CADM1: variants seen among roughly 807,000 people sequenced by gnomAD.
CADM1 encodes TSLC-1.
In CADM1, 15 loss-of-function variants were observed where a neutral mutation model predicts 53.1. That is an observed-to-expected ratio of 0.28 (90% confidence interval 0.19 to 0.44). The LOEUF is 0.44. Ranked by LOEUF, CADM1 falls within the 20% of genes least tolerant of loss-of-function variation. The pLI is 1.00. For missense variants in CADM1, 434 were observed against 611.3 expected, an observed-to-expected ratio of 0.71 and a Z score of 3.06; for synonymous variants, 281 against 243.0, an observed-to-expected ratio of 1.16 and a Z score of -1.45.
At chr11:115,348,257 C>G (rs1945635907) in intron 1 of CADM1, among the ~76,000 whole-genome samples, 1 of 152,130 alleles carries the variant, frequency 6.6e-6, no homozygotes, top group South Asian at 2.1e-4. Context: ...GAAAAGATTA[C>G]TATAAGAAGT....
At chr11:115,182,781 G>A (rs1277390002) in intron 10 of CADM1, among the ~76,000 whole-genome samples, 1 of 152,212 alleles carries the variant, frequency 6.6e-6, no homozygotes. Flanking sequence ...AACCCTCCCT[G>A]CCTGTCGTGT....
chr11:115,325,331 C>A (rs1234933958), intron 1 of CADM1, among the ~76,000 whole-genome samples: 5 of 152,108 alleles, frequency 3.3e-5, no homozygotes, highest in African/African-American at 1.2e-4. Context: ...GCTTGGACAT[C>A]AGTCATCAAT....
intron 6 of CADM1, among the ~76,000 whole-genome samples, chr11:115,217,365 T>C (rs1470226700): frequency 6.6e-6 from 1 of 152,192 alleles, no homozygotes; most frequent in Non-Finnish European, 1.5e-5. Flanking sequence ...TTAAGAAAAG[T>C]TCCTGAGCTT....
At chr11:115,240,195 G>A (rs570263060) in intron 2 of CADM1, 79 bp downstream of exon 2, 5 of 1,330,542 alleles carry the variant, frequency 3.8e-6, no homozygotes, top group Admixed American at 3.5e-5. Flanking sequence ...TTTAAAAAAG[G>A]TGGCCTTAGC....
intron 1 of CADM1, among the ~76,000 whole-genome samples, chr11:115,422,753 T>A (rs189357794): frequency 6.6e-6 from 1 of 152,200 alleles, no homozygotes; most frequent in Admixed American, 6.5e-5. Flanking sequence ...TAACATTAAA[T>A]ATTTAATGTG....
intron 1 of CADM1, among the ~76,000 whole-genome samples, chr11:115,360,222 T>C (rs1945991191): frequency 6.6e-6 from 1 of 152,254 alleles, no homozygotes; most frequent in Non-Finnish European, 1.5e-5. Flanking sequence ...TAAGTATAAC[T>C]ATAATACAAC....
intron 1 of CADM1, among the ~76,000 whole-genome samples, chr11:115,385,107 A>C (rs1465061048): frequency 3.3e-5 from 5 of 152,038 alleles, no homozygotes; most frequent in African/African-American, 1.2e-4. Flanking sequence ...TACAGAAAAC[A>C]TACATTCATA....
chr11:115,255,116 A>G (rs1003978552), intron 1 of CADM1, among the ~76,000 whole-genome samples: 2 of 152,160 alleles, frequency 1.3e-5, no homozygotes, highest in African/African-American at 4.8e-5. Flanking sequence ...AATACTTCAG[A>G]GGTCAGGCGC....
chr11:115,503,546 G>C (rs988494600), intron 1 of CADM1, among the ~76,000 whole-genome samples: 1 of 152,066 alleles, frequency 6.6e-6, no homozygotes, highest in Admixed American at 6.5e-5. Flanking sequence ...TCCCGCAGAG[G>C]CGGCGACAGC....
chr11:115,348,380 T>C (rs1275947708), intron 1 of CADM1, among the ~76,000 whole-genome samples: 1 of 152,234 alleles, frequency 6.6e-6, no homozygotes, highest in African/African-American at 2.4e-5. Context: ...AAATTATCAA[T>C]TTCTGTAAAT....
chr11:115,417,996 A>T (rs987170529), intron 1 of CADM1, among the ~76,000 whole-genome samples: 1 of 152,198 alleles, frequency 6.6e-6, no homozygotes, highest in African/African-American at 2.4e-5. Flanking sequence ...CTGACTATAT[A>T]ACATCTAATT....
chr11:115,468,553 G>A (rs61251053), intron 1 of CADM1, among the ~76,000 whole-genome samples: 3,626 of 152,262 alleles, frequency 0.024, 37 homozygotes, highest in Non-Finnish European at 0.029. Context: ...GTGTGTCTGT[G>A]TGAGTGCTGT....
intron 1 of CADM1, among the ~76,000 whole-genome samples, chr11:115,300,061 A>G (rs1944178993): frequency 6.6e-6 from 1 of 152,148 alleles, no homozygotes; most frequent in Admixed American, 6.5e-5. Context: ...ATGTATTATA[A>G]AAAGCAAATG....
rs187650030 is a variant in CADM1 at position 115,340,729 on chromosome 11, T to C, written c.125-100309A>G. Among the ~76,000 whole-genome samples the C allele has an allele frequency of 5.7e-5, 8 of 140,564 alleles. No individual in the cohort carries two copies. In the East Asian group the frequency reaches 1.5e-3, roughly 26 times the overall value. 92.2% of individuals were successfully genotyped at this position (140,564 alleles called of 152,430 possible). A position where few individuals can be genotyped will look rare whatever the true frequency, so the allele number is the denominator to read the frequency against. On this transcript the variant is annotated intron_variant, in intron 1 of 11. Transcript: ENST00000331581. The stretch of plus-strand genomic sequence containing the variant: ...AGGCTGCAGTGTAGTGGCGCAACTT[T>C]GGCTCACTGCAACCTCTGCCTCCCG...
At chr11:115,431,765 C>T (rs991392126) in intron 1 of CADM1, among the ~76,000 whole-genome samples, 1 of 152,088 alleles carries the variant, frequency 6.6e-6, no homozygotes, top group African/African-American at 2.4e-5. Context: ...GCTCAATCTT[C>T]ACTTCCTCCA....
chr11:115,211,833 T>C (rs1465044863), intron 7 of CADM1, among the ~76,000 whole-genome samples: 1 of 152,124 alleles, frequency 6.6e-6, no homozygotes, highest in African/African-American at 2.4e-5. Flanking sequence ...TGACATAAAG[T>C]GTGTGATGTC....
intron 10 of CADM1, among the ~76,000 whole-genome samples, chr11:115,190,428 G>A (rs1316273072): frequency 6.6e-6 from 1 of 151,594 alleles, no homozygotes; most frequent in Non-Finnish European, 1.5e-5. Flanking sequence ...CCCCACCCCT[G>A]ACTTCTAAGA....
intron 6 of CADM1, among the ~76,000 whole-genome samples, chr11:115,215,801 CA>C (rs568742774): frequency 6.6e-5 from 10 of 152,292 alleles, no homozygotes; most frequent in Admixed American, 4.6e-4. Flanking sequence ...GAAGGAAGGA[CA>C]ACAGAGATCC....
chr11:115,265,670 A>C (rs147677411), intron 1 of CADM1, among the ~76,000 whole-genome samples: 1 of 152,232 alleles, frequency 6.6e-6, no homozygotes, highest in African/African-American at 2.4e-5. Context: ...ATTTGGGACC[A>C]GTAGTTCACT....
Sources: gnomAD v4.1 joint callset for allele counts (sites outside exome capture counted in the v4.1 genomes callset) on GRCh38, gnomAD v4.1.1 for gene constraint, MANE v1.5 for transcripts, NCBI Gene and HGNC (gene_info 2026-07-23, HGNC 2026-07-21) for gene names.